The following NHSL1 variants were observed in gnomAD, a reference collection of about 807,000 sequenced individuals.
NHSL1 encodes the protein NHS like 1.
NHSL1 carries 48 observed loss-of-function variants against 95.0 expected under a neutral mutation model. That is an observed-to-expected ratio of 0.51 (90% confidence interval 0.40 to 0.64). The LOEUF (loss-of-function observed/expected upper bound fraction) is 0.64. Among genes scored for constraint, NHSL1 ranks in the 30% least tolerant of loss-of-function variants. NHSL1 has a pLI of 0.00. For synonymous variants in NHSL1, 783 were observed against 833.9 expected (o/e 0.94, Z 1.05); for missense variants, 1,971 against 2,077.7 (o/e 0.95, Z 1.00).
At chr6:138,626,689 C>A in intron 1 of NHSL1, among the ~76,000 whole-genome samples, 1 of 72,382 alleles carries the variant, frequency 1.4e-5, no homozygotes, top group Admixed American at 1.2e-4. Context: ...GTCAGGAGAT[C>A]GAGACCATCC....
chr6:138,609,749 C>CAAACAA (rs1784484099), intron 1 of NHSL1, among the ~76,000 whole-genome samples: 1 of 106,250 alleles, frequency 9.4e-6, no homozygotes, highest in Non-Finnish European at 1.9e-5. Context: ...GACTCTGTCT[C>CAAACAA]AAAAAAAAAA....
At chr6:138,515,402 G>C (rs1416269036) in intron 1 of NHSL1, among the ~76,000 whole-genome samples, 1 of 152,156 alleles carries the variant, frequency 6.6e-6, no homozygotes, top group East Asian at 1.9e-4. Flanking sequence ...CTAGGCACCA[G>C]AGACATCAAA....
At chr6:138,524,584 A>G in intron 1 of NHSL1, among the ~76,000 whole-genome samples, 1 of 152,138 alleles carries the variant, frequency 6.6e-6, no homozygotes, top group Non-Finnish European at 1.5e-5. Context: ...TTGTATTATT[A>G]ATGGACATTT....
In NHSL1 at chr6:138,499,445, G is replaced by A. The variant is rs184416158; in HGVS notation, c.-155C>T. On this transcript the variant is annotated 5_prime_UTR_variant, in exon 1 of 8. Transcript: ENST00000343505. Reference sequence around the variant, plus strand: ...CATCTGCCCAGGCTGATGTAACTGAGGTTGAGTTTATTGTCAGGCAGTTAC... The same window carrying A: ...CATCTGCCCAGGCTGATGTAACTGAAGTTGAGTTTATTGTCAGGCAGTTAC... 166 of 1,408,432 alleles carry A rather than the reference G, an allele frequency of 1.2e-4. 1 individual carries two copies. Among genetic ancestry groups the A allele is most frequent in the South Asian group, 5.7e-4 (37 of 64,388 alleles). The allele number at this position is 1,408,432 out of a possible 1,614,324, so 87.2% of individuals were successfully genotyped here.
chr6:138,608,664 A>G (rs1218405809), intron 1 of NHSL1, among the ~76,000 whole-genome samples: 1 of 152,260 alleles, frequency 6.6e-6, no homozygotes, highest in Admixed American at 6.5e-5. Flanking sequence ...CTGATCAATG[A>G]CTACTAACTA....
chr6:138,450,984 T>A (rs61608157), intron 3 of NHSL1, among the ~76,000 whole-genome samples: 2 of 152,058 alleles, frequency 1.3e-5, no homozygotes, highest in Non-Finnish European at 2.9e-5. Context: ...TTGTTGACCA[T>A]CCTCCCCTGC....
chr6:138,496,188 GA>G (rs1310897528), intron 2 of NHSL1, 30 bp downstream of exon 2: 1 of 1,549,800 alleles, frequency 6.5e-7, no homozygotes, highest in Non-Finnish European at 8.7e-7. Context: ...AGTAACCCAA[GA>G]AAATAAGCTC....
At position 138,558,670 on chromosome 6, in the gene NHSL1, C is replaced by T. The variant is rs1418483723; in HGVS notation, c.202+13040G>A. On this transcript the variant is annotated intron_variant, in intron 1 of 6. Transcript: ENST00000427025. ...TCCTGACCTCGTGATCCACCTGCCT[C>T]GGCTTCCCAAAGTGCTGGGATTACA... Among the ~76,000 whole-genome samples, 41 of 152,244 alleles carry T rather than the reference C, an allele frequency of 2.7e-4. No homozygotes were observed. The Middle Eastern group carries it at 0.014, about 51-fold the overall frequency.
chr6:138,603,464 G>A (rs566588929), intron 1 of NHSL1, among the ~76,000 whole-genome samples: 1 of 152,230 alleles, frequency 6.6e-6, no homozygotes, highest in South Asian at 2.1e-4. Context: ...AGGTTTGGTG[G>A]TACCTGTAAA....
intron 1 of NHSL1, among the ~76,000 whole-genome samples, chr6:138,543,659 G>A (rs912488874): frequency 2.6e-5 from 4 of 152,152 alleles, no homozygotes; most frequent in African/African-American, 9.7e-5. Context: ...ACCAATGAAT[G>A]AAAGCCACTT....
At chr6:138,537,165 T>A (rs1196010420) in intron 1 of NHSL1, among the ~76,000 whole-genome samples, 1 of 152,244 alleles carries the variant, frequency 6.6e-6, no homozygotes, top group African/African-American at 2.4e-5. Context: ...TTTTATCAAG[T>A]ATTTGTTCTG....
intron 4 of NHSL1, among the ~76,000 whole-genome samples, chr6:138,444,125 G>A (rs1776707972): frequency 6.6e-6 from 1 of 152,066 alleles, no homozygotes; most frequent in Non-Finnish European, 1.5e-5. Flanking sequence ...AATATCTGTT[G>A]AATTACTCAC....
intron 1 of NHSL1, among the ~76,000 whole-genome samples, chr6:138,542,078 T>C (rs1469106188): frequency 2.6e-5 from 4 of 152,226 alleles, no homozygotes; most frequent in African/African-American, 9.6e-5. Flanking sequence ...TGAAGTGATA[T>C]ACTGGATTAA....
At position 138,518,942 on chromosome 6, in the gene NHSL1, G is replaced by A. The variant is rs187756991; in HGVS notation, c.17-22571C>T. 6.5e-3 allele frequency among the ~76,000 whole-genome samples: 984 copies of A among 152,114 alleles called. 25 individuals are homozygous for A. The highest frequency in any genetic ancestry group is 0.049 in the Admixed American group (741 of 15,254). ...CTGAGGCAGGAGAATCACTTGAACC[G>A]GGGAGGCGGAGGATGCAGTGAGCCA... On this transcript the variant is annotated intron_variant, in intron 1 of 4. Transcript: ENST00000342260.
intron 1 of NHSL1, among the ~76,000 whole-genome samples, chr6:138,541,623 T>C (rs752401339): frequency 2.0e-5 from 3 of 152,230 alleles, no homozygotes; most frequent in Non-Finnish European, 4.4e-5. Flanking sequence ...AGCTATCTAA[T>C]GCAACTGTTT....
chr6:138,682,937 C>T (rs1047610969), intron 1 of NHSL1, among the ~76,000 whole-genome samples: 1 of 152,212 alleles, frequency 6.6e-6, no homozygotes, highest in Non-Finnish European at 1.5e-5. Context: ...AGGCTGAGCC[C>T]GTCAAGTTCC....
At chr6:138,589,420 G>T (rs1203172011) in intron 1 of NHSL1, among the ~76,000 whole-genome samples, 1 of 152,136 alleles carries the variant, frequency 6.6e-6, no homozygotes, top group African/African-American at 2.4e-5. Flanking sequence ...GAGCCAAGCG[G>T]GGGCCTGGCT....
At chr6:138,473,133 T>C (rs1367619919) in intron 3 of NHSL1, among the ~76,000 whole-genome samples, 173 bp downstream of exon 3, 1 of 152,246 alleles carries the variant, frequency 6.6e-6, no homozygotes, top group East Asian at 1.9e-4. Flanking sequence ...CCAGTTTCCA[T>C]TTATGTTACT....
At chr6:138,686,932 C>T (rs934849889) in intron 1 of NHSL1, among the ~76,000 whole-genome samples, 16 of 152,118 alleles carry the variant, frequency 1.1e-4, no homozygotes, top group Non-Finnish European at 1.3e-4. Context: ...GGAATCACCT[C>T]GCCTCCTTAA....
Sources: gnomAD v4.1 joint callset for allele counts (sites outside exome capture counted in the v4.1 genomes callset) on GRCh38, gnomAD v4.1.1 for gene constraint, MANE v1.5 for transcripts, NCBI Gene and HGNC (gene_info 2026-07-23, HGNC 2026-07-21) for gene names.